The following GRIK2 variants were observed in gnomAD, a reference collection of about 807,000 sequenced individuals.
GRIK2 encodes the protein glutamate ionotropic receptor kainate type subunit 2.
GRIK2 carries 32 observed loss-of-function variants against 100.3 expected under a neutral mutation model. The ratio of observed to expected loss-of-function variants is 0.32; its 90% CI spans 0.24 to 0.43. The LOEUF (loss-of-function observed/expected upper bound fraction) is 0.43, where lower values mean the gene tolerates loss of function less well. GRIK2 is among the 20% of genes least tolerant of loss of function. The pLI is 1.00. For missense variants in GRIK2, 843 were observed against 1,114.9 expected (o/e 0.76, Z 3.47); for synonymous variants, 417 against 389.4 (o/e 1.07, Z -0.83).
intron 14 of GRIK2, among the ~76,000 whole-genome samples, chr6:102,006,390 A>ATATATATATATATTTTT (rs1315524835): frequency 2.6e-5 from 3 of 114,096 alleles, no homozygotes; most frequent in Admixed American, 8.8e-5. Flanking sequence ...ATATATATAT[A>ATATATATATATATTTTT]TTTTTTTTTT....
intron 7 of GRIK2, among the ~76,000 whole-genome samples, chr6:101,734,549 C>T (rs9485536): frequency 0.097 from 14,688 of 152,084 alleles, 843 homozygotes; most frequent in South Asian, 0.2. Context: ...ACAGACACAC[C>T]AAGAATCATG....
At chr6:101,661,910 C>G (rs1259455298) in intron 4 of GRIK2, among the ~76,000 whole-genome samples, 1 of 152,106 alleles carries the variant, frequency 6.6e-6, no homozygotes, top group Non-Finnish European at 1.5e-5. Context: ...TGTTCCTATT[C>G]GGCCATCTTC....
At chr6:101,937,158 T>C (rs1202633287) in intron 14 of GRIK2, among the ~76,000 whole-genome samples, 1 of 152,112 alleles carries the variant, frequency 6.6e-6, no homozygotes, top group Admixed American at 6.6e-5. Flanking sequence ...TTGACTGAAG[T>C]GTAAAATCTG....
chr6:101,541,909 C>G (rs1448470479), intron 2 of GRIK2, among the ~76,000 whole-genome samples: 1 of 132,956 alleles, frequency 7.5e-6, no homozygotes, highest in Non-Finnish European at 1.6e-5. Context: ...TGTTCCTTTC[C>G]TGCTTTCCTT....
At chr6:101,908,326 T>TTTTAA (rs60006135) in intron 12 of GRIK2, among the ~76,000 whole-genome samples, 1 of 148,624 alleles carries the variant, frequency 6.7e-6, no homozygotes, top group African/African-American at 2.5e-5. Context: ...ACAATTATTT[T>TTTTAA]GCACCAGCCT....
intron 11 of GRIK2, among the ~76,000 whole-genome samples, chr6:101,883,872 A>G (rs1582452879): frequency 2.0e-5 from 3 of 152,302 alleles, no homozygotes; most frequent in Non-Finnish European, 4.4e-5. Flanking sequence ...TGATAAAGCC[A>G]TATCTTGCAA....
intron 11 of GRIK2, among the ~76,000 whole-genome samples, chr6:101,871,448 G>A (rs951589330): frequency 2.6e-5 from 4 of 151,064 alleles, no homozygotes; most frequent in African/African-American, 9.9e-5. Flanking sequence ...GTTGTGTGAT[G>A]CTGAAGTTTG....
intron 10 of GRIK2, among the ~76,000 whole-genome samples, chr6:101,830,873 C>A (rs1782633774): frequency 6.6e-6 from 1 of 151,734 alleles, no homozygotes; most frequent in Non-Finnish European, 1.5e-5. Flanking sequence ...AAACAGAAAA[C>A]CAAATACTGT....
chr6:101,971,363 C>T (rs930055433), intron 14 of GRIK2, among the ~76,000 whole-genome samples: 55 of 151,692 alleles, frequency 3.6e-4, no homozygotes, highest in African/African-American at 1.1e-3. Flanking sequence ...TTTGAAACAC[C>T]GGTCTAACAT....
chr6:101,810,574 C>T (rs1426020076), intron 9 of GRIK2, among the ~76,000 whole-genome samples: 1 of 152,058 alleles, frequency 6.6e-6, no homozygotes, highest in African/African-American at 2.4e-5. Context: ...TTGCTCTGGA[C>T]TCAAATTCTA....
At chr6:101,936,858 T>C (rs984280311) in intron 14 of GRIK2, among the ~76,000 whole-genome samples, 13 of 152,146 alleles carry the variant, frequency 8.5e-5, no homozygotes, top group African/African-American at 3.1e-4. Flanking sequence ...AGTGAGAACA[T>C]TGGGTTTATC....
intron 6 of GRIK2, among the ~76,000 whole-genome samples, chr6:101,684,549 C>A (rs1771534183): frequency 6.6e-6 from 1 of 152,022 alleles, no homozygotes; most frequent in Non-Finnish European, 1.5e-5. Flanking sequence ...TTAATGGCAG[C>A]TGTAGGGGAG....
chr6:101,991,428 T>C (rs1322906938), intron 14 of GRIK2, among the ~76,000 whole-genome samples: 1 of 150,794 alleles, frequency 6.6e-6, no homozygotes, highest in Non-Finnish European at 1.5e-5. Flanking sequence ...TTTTCTTTTG[T>C]TTTGTAAATA....
chr6:101,522,326 G>A (rs1462204084), intron 2 of GRIK2, among the ~76,000 whole-genome samples: 1 of 151,970 alleles, frequency 6.6e-6, no homozygotes, highest in African/African-American at 2.4e-5. Flanking sequence ...GAGTCTCTGT[G>A]TATTAATCCA....
intron 14 of GRIK2, among the ~76,000 whole-genome samples, chr6:101,947,841 G>A (rs1417165): frequency 2.6e-5 from 4 of 152,016 alleles, no homozygotes; most frequent in East Asian, 3.8e-4. Flanking sequence ...CACCTACATC[G>A]ACACTTTATC....
intron 6 of GRIK2, among the ~76,000 whole-genome samples, chr6:101,683,180 GAC>G (rs1333274520): frequency 6.6e-6 from 1 of 150,612 alleles, no homozygotes; most frequent in African/African-American, 2.4e-5. Context: ...CAGCCTGGGC[GAC>G]AGAGCTAGAC....
chr6:101,641,330 T>A (rs1781270062), intron 4 of GRIK2, among the ~76,000 whole-genome samples: 1 of 152,060 alleles, frequency 6.6e-6, no homozygotes, highest in African/African-American at 2.4e-5. Context: ...CACAATGAAC[T>A]TTTTATCCAA....
chr6:101,885,839 A>T (rs1402326402), intron 11 of GRIK2, among the ~76,000 whole-genome samples: 1 of 152,040 alleles, frequency 6.6e-6, no homozygotes, highest in Non-Finnish European at 1.5e-5. Context: ...ATTTCCATAC[A>T]CATTTTCCCC....
chr6:102,035,529 T>C lies in GRIK2; in HGVS notation c.2274T>C (p.Leu758=). The change falls in exon 15 of 17, where the codon CTT becomes CTC. Residue 758 remains leucine, a synonymous_variant. Coordinates refer to ENST00000369134, the MANE Select transcript of GRIK2 (RefSeq NM_021956.5). ...GTAACCTGACACAGATTGGCGGCCT[T>C]ATAGACTCTAAAGGTTATGGCGTTG... The part of the protein sequence containing the change: ...RNCNLTQIGG[L]IDSKGYGVGT... The C allele has an allele frequency of 6.2e-7, 1 of 1,608,696 alleles. No homozygotes were observed. Among genetic ancestry groups the C allele is most frequent in the Non-Finnish European group, 8.5e-7 (1 of 1,176,040 alleles).
Sources: gnomAD v4.1 joint callset for allele counts (sites outside exome capture counted in the v4.1 genomes callset) on GRCh38, gnomAD v4.1.1 for gene constraint, MANE v1.5 for transcripts, NCBI Gene and HGNC (gene_info 2026-07-23, HGNC 2026-07-21) for gene names.